Variants in METTL21C observed in about 807,000 individuals in gnomAD.
METTL21C encodes protein-lysine methyltransferase METTL21C.
METTL21C carries 21 observed loss-of-function variants against 25.9 expected under a neutral mutation model. The observed-to-expected ratio is 0.81, with a 90% CI of 0.58 to 1.17. The LOEUF is 1.17. METTL21C is among the 50% of genes most tolerant of loss of function. The pLI is 0.00. For synonymous variants in METTL21C, 125 were observed against 124.7 expected (o/e 1.00, Z -0.01); for missense variants, 312 against 315.1 (o/e 0.99, Z 0.07).
chr13:102,690,834 G>A lies in METTL21C; in HGVS notation c.261C>T (p.Tyr87=), dbSNP rs749627066. ...TCACCCCTGGCCACACCACCGCTCC[G>A]TAACTCTCTATGGATTCCTGGATGA... ...EIVIQESIES[Y]GAVVWPGAMA... Residue 87 remains tyrosine, a synonymous_variant, in exon 2 of 4, where the codon TAC becomes TAT. Transcript: ENST00000267273. The A allele has an allele frequency of 2.1e-5, 34 of 1,613,966 alleles. No homozygotes were observed. Among genetic ancestry groups the A allele is most frequent in the Admixed American group, 1.8e-4 (11 of 60,002 alleles).
intron 2 of METTL21C, 106 bp downstream of exon 2, chr13:102,690,707 G>A: frequency 7.4e-7 from 1 of 1,346,696 alleles, no homozygotes; most frequent in East Asian, 2.5e-5. Flanking sequence ...ACCTCAAATT[G>A]AGAAGCAGGA....
At chr13:102,702,741 C>T in the METTL21C span, among the ~76,000 whole-genome samples, 1 of 152,084 alleles carries the variant, frequency 6.6e-6, no homozygotes, top group Non-Finnish European at 1.5e-5. Context: ...CAGGCATGTG[C>T]CAACATGCCA....
rs1382282086 is a variant in METTL21C at position 102,694,852 on chromosome 13, C to T, written c.-354G>A. Among the ~76,000 whole-genome samples the T allele has an allele frequency of 6.7e-6, 1 of 149,764 alleles. No individual in the cohort carries two copies. Among genetic ancestry groups the T allele is most frequent in the Non-Finnish European group, 1.5e-5 (1 of 67,734 alleles). On this transcript the variant is annotated 5_prime_UTR_variant, in exon 1 of 4. Coordinates refer to ENST00000267273, the MANE Select transcript of METTL21C (RefSeq NM_001010977.3). ...TCTACCAGTCCTCATAGACACATTA[C>T]TTTGCTAGAATTCTCTCTCTTTCTC... is the stretch of plus-strand genomic sequence containing the variant.
chr13:102,694,313 T>A (rs992504843), intron 1 of METTL21C, 56 bp downstream of exon 1: 161 of 1,563,172 alleles, frequency 1.0e-4, no homozygotes, highest in Non-Finnish European at 1.4e-4. Flanking sequence ...CTTGAAGATG[T>A]CATCGCCAGG....
At chr13:102,692,310 T>C (rs1308124924) in intron 1 of METTL21C, among the ~76,000 whole-genome samples, 1 of 152,100 alleles carries the variant, frequency 6.6e-6, no homozygotes, top group Non-Finnish European at 1.5e-5. Context: ...GGCCTCCGGG[T>C]GTTTCAGGTC....
chr13:102,701,509 C>T, the METTL21C span, among the ~76,000 whole-genome samples: 2 of 152,226 alleles, frequency 1.3e-5, no homozygotes, highest in Non-Finnish European at 2.9e-5. Context: ...ACCACTGCCC[C>T]TTGCGTGCAA....
upstream of METTL21C, among the ~76,000 whole-genome samples, chr13:102,699,807 C>CT (rs1051186109): frequency 2.6e-5 from 4 of 152,172 alleles, no homozygotes; most frequent in African/African-American, 9.7e-5. Context: ...GCAATACCCC[C>CT]CCGACCCAGC....
intron 1 of METTL21C, among the ~76,000 whole-genome samples, chr13:102,692,306 C>T (rs1257504354): frequency 3.9e-5 from 6 of 152,020 alleles, no homozygotes; most frequent in African/African-American, 1.2e-4. Context: ...GCAGGGCCTC[C>T]GGGTGTTTCA....
At chr13:102,700,325 T>A in the METTL21C span, among the ~76,000 whole-genome samples, 1 of 152,312 alleles carries the variant, frequency 6.6e-6, no homozygotes, top group Admixed American at 6.5e-5. Context: ...GATAGACTTA[T>A]ATGCACTTTG....
chr13:102,703,133 G>T, the METTL21C span, among the ~76,000 whole-genome samples: 3 of 152,206 alleles, frequency 2.0e-5, no homozygotes, highest in African/African-American at 7.2e-5. Flanking sequence ...ACCTGGTTAT[G>T]ACATTTACCA....
Position 102,688,330 on chromosome 13 carries a change from G to A in METTL21C, c.283-1273C>T, listed in dbSNP as rs148893055. On this transcript the variant is annotated intron_variant, in intron 2 of 3. Coordinates refer to ENST00000267273, the MANE Select transcript of METTL21C (RefSeq NM_001010977.3). ...TGCCACGGGCAAAGATGAATATGAC[G>A]CAGTCACCTCTACTGTCTGGGAACT... Among the ~76,000 whole-genome samples the A allele has an allele frequency of 1.5e-3, 230 of 152,300 alleles. 1 individual carries two copies. Among genetic ancestry groups the A allele is most frequent in the African/African-American group, 5.2e-3 (215 of 41,558 alleles).
At position 102,687,867 on chromosome 13, in the gene METTL21C, T is replaced by G. The variant is rs78487114; in HGVS notation, c.283-810A>C. On this transcript the variant is annotated intron_variant, in intron 2 of 3. Transcript: ENST00000267273. ...CAAACTTCCCTTTCTTCTTTATTCG[T>G]TCTCTTCTCCCTCCACCTTCCTCTA... Among the ~76,000 whole-genome samples, 903 of 152,342 alleles carry G rather than the reference T, an allele frequency of 5.9e-3. 13 individuals carry two copies. Among genetic ancestry groups the G allele is most frequent in the African/African-American group, 0.021 (864 of 41,576 alleles).
At chr13:102,691,043 A>T in intron 1 of METTL21C, 79 bp from the exon 2 acceptor site, 1 of 1,477,286 alleles carries the variant, frequency 6.8e-7, no homozygotes. Context: ...AATTGCTAAG[A>T]TGGCATTAGA....
the METTL21C span, among the ~76,000 whole-genome samples, chr13:102,702,163 C>CAA: frequency 8.3e-6 from 1 of 120,238 alleles, no homozygotes; most frequent in African/African-American, 3.1e-5. Context: ...GACTCTGCCT[C>CAA]AAAAAAAAAA....
chr13:102,690,958 T>A lies in METTL21C; in HGVS notation c.137A>T (p.Asn46Ile). 1 of 1,613,790 alleles carries A rather than the reference T, an allele frequency of 6.2e-7. No individual in the cohort carries two copies. Among genetic ancestry groups the A allele is most frequent in the Non-Finnish European group, 8.5e-7 (1 of 1,179,958 alleles). ...DSTGGVLEES[N>I]KIEPSLHSLQ... is the part of the protein sequence containing the mutation. ...GCTATGAAGAGATGGTTCTATCTTGTTGGATTCTGTGAAGCAGAAAAATAA... is the reference window on the plus strand; with the variant it reads ...GCTATGAAGAGATGGTTCTATCTTGATGGATTCTGTGAAGCAGAAAAATAA... Residue 46 changes from asparagine (N) to isoleucine (I), a missense_variant, in exon 2 of 4, where the codon AAC becomes ATC. By Grantham distance (149) the Asn-to-Ile change is moderately radical. Coordinates refer to ENST00000267273, the MANE Select transcript of METTL21C (RefSeq NM_001010977.3).
chr13:102,688,055 C>T (rs1885721517), intron 2 of METTL21C, among the ~76,000 whole-genome samples: 1 of 152,090 alleles, frequency 6.6e-6, no homozygotes, highest in Non-Finnish European at 1.5e-5. Context: ...ATAAATAGCC[C>T]AGCGTGAGGA....
chr13:102,701,893 C>T, the METTL21C span, among the ~76,000 whole-genome samples: 1 of 152,120 alleles, frequency 6.6e-6, no homozygotes, highest in African/African-American at 2.4e-5. Context: ...CGGCAGGGCC[C>T]AGTGGCTCAT....
At chr13:102,692,932 G>C (rs1885867725) in intron 1 of METTL21C, among the ~76,000 whole-genome samples, 1 of 152,154 alleles carries the variant, frequency 6.6e-6, no homozygotes, top group Admixed American at 6.5e-5. Flanking sequence ...GGGCTGAGAG[G>C]CTGGCTCTGA....
upstream of METTL21C, among the ~76,000 whole-genome samples, chr13:102,698,151 C>T (rs946192077): frequency 2.0e-5 from 3 of 152,026 alleles, no homozygotes; most frequent in East Asian, 3.8e-4. Flanking sequence ...AGAGGGTCCT[C>T]GATAAATAAA....
Sources: allele counts gnomAD v4.1 joint callset (sites outside exome capture counted in the v4.1 genomes callset), GRCh38; gene constraint gnomAD v4.1.1; transcripts MANE v1.5; gene names NCBI Gene and HGNC (gene_info 2026-07-23, HGNC 2026-07-21).